PITPNC1: variants seen among roughly 807,000 people sequenced by gnomAD.
PITPNC1 encodes the protein cytoplasmic phosphatidylinositol transfer protein 1.
Under a neutral mutation model 44.7 loss-of-function variants are expected in PITPNC1, and 18 were observed. The observed-to-expected ratio is 0.40, with a 90% CI of 0.28 to 0.60. PITPNC1 has a LOEUF of 0.60. Among genes scored for constraint, PITPNC1 ranks in the 20% least tolerant of loss-of-function variants. The probability of loss-of-function intolerance (pLI) is 0.39; values close to 1 mark genes in which losing one functional copy is unlikely to be tolerated. For missense variants in PITPNC1, 290 were observed against 418.4 expected (o/e 0.69, Z 2.68); for synonymous variants, 141 against 149.6 (o/e 0.94, Z 0.42).
chr17:67,556,845 A>G (rs1470467194), intron 4 of PITPNC1, among the ~76,000 whole-genome samples: 2 of 152,228 alleles, frequency 1.3e-5, no homozygotes, highest in Non-Finnish European at 2.9e-5. Flanking sequence ...TAGCAGATGA[A>G]TACATAACTG....
chr17:67,555,231 A>G (rs1349550116), intron 4 of PITPNC1, among the ~76,000 whole-genome samples: 3 of 152,176 alleles, frequency 2.0e-5, no homozygotes, highest in Non-Finnish European at 4.4e-5. Context: ...TAGCGGAAGG[A>G]TTCAGTGGTC....
rs1283314564 is a variant in PITPNC1, at chr17:67,383,101, TTC to T, written c.48+4902_48+4903del. Reference sequence around the variant, plus strand: ...ACCTCTGCCTCCCGAGTTCAAGAGATTCTCCTGCCTCAGCCTCCAGAATAGCT... The same window carrying T: ...ACCTCTGCCTCCCGAGTTCAAGAGATTCCTGCCTCAGCCTCCAGAATAGCT... On this transcript the variant is annotated intron_variant, in intron 1 of 8. Coordinates refer to ENST00000581322, the MANE Select transcript of PITPNC1 (RefSeq NM_012417.4). Among the ~76,000 whole-genome samples the T allele has an allele frequency of 4.7e-5, 7 of 149,906 alleles. No homozygotes were observed. In the South Asian group the frequency reaches 6.4e-4, roughly 14 times the overall value.
chr17:67,421,780 C>T (rs1422122801), intron 1 of PITPNC1, among the ~76,000 whole-genome samples: 1 of 152,058 alleles, frequency 6.6e-6, no homozygotes, highest in African/African-American at 2.4e-5. Context: ...TCCTTACCTC[C>T]TAGAAATGTG....
At chr17:67,457,060 C>T (rs1220152445) in intron 1 of PITPNC1, 1 of 151,984 alleles carries the variant, frequency 6.6e-6, no homozygotes, top group Non-Finnish European at 1.5e-5. Context: ...GGCTGGAGTG[C>T]AGTGGCCACT....
intron 1 of PITPNC1, among the ~76,000 whole-genome samples, chr17:67,398,765 TGTC>T (rs750989372): frequency 2.2e-4 from 33 of 152,070 alleles, no homozygotes; most frequent in African/African-American, 1.2e-4. Flanking sequence ...CATCACCAGT[TGTC>T]GTATAAAATC....
intron 1 of PITPNC1, among the ~76,000 whole-genome samples, chr17:67,528,466 G>T (rs145609332): frequency 2.6e-3 from 394 of 152,324 alleles, no homozygotes; most frequent in African/African-American, 9.1e-3. Flanking sequence ...CAATTCTCAG[G>T]CTTTGGAGGC....
chr17:67,447,884 C>T (rs888461754), intron 1 of PITPNC1, among the ~76,000 whole-genome samples: 2 of 151,870 alleles, frequency 1.3e-5, no homozygotes, highest in African/African-American at 4.8e-5. Context: ...CTCTGGGATC[C>T]CAGCTATCTC....
At chr17:67,441,788 G>A (rs1331750613) in intron 1 of PITPNC1, among the ~76,000 whole-genome samples, 4 of 152,178 alleles carry the variant, frequency 2.6e-5, no homozygotes, top group African/African-American at 4.8e-5. Flanking sequence ...TCATCAGTGC[G>A]CCCTGCTGTT....
At chr17:67,446,989 C>G (rs776567070) in intron 1 of PITPNC1, among the ~76,000 whole-genome samples, 6 of 145,126 alleles carry the variant, frequency 4.1e-5, no homozygotes, top group Non-Finnish European at 9.0e-5. Flanking sequence ...ACTGGGGAGG[C>G]TGAGGCAGGA....
chr17:67,427,964 G>A (rs773994325), intron 1 of PITPNC1, among the ~76,000 whole-genome samples: 1 of 152,100 alleles, frequency 6.6e-6, no homozygotes, highest in Non-Finnish European at 1.5e-5. Context: ...TGTCCTTGAC[G>A]ATCAGTCTTC....
At chr17:67,631,034 C>T (rs899406775) in intron 5 of PITPNC1, among the ~76,000 whole-genome samples, 5 of 144,324 alleles carry the variant, frequency 3.5e-5, no homozygotes, top group African/African-American at 1.0e-4. Flanking sequence ...CTATATATTG[C>T]GGCTGTGTTG....
At chr17:67,568,398 A>G (rs1352385553) in intron 4 of PITPNC1, among the ~76,000 whole-genome samples, 1 of 152,214 alleles carries the variant, frequency 6.6e-6, no homozygotes, top group Non-Finnish European at 1.5e-5. Flanking sequence ...TTGGGAGGTA[A>G]TGGAAATGTT....
intron 8 of PITPNC1, 128 bp downstream of exon 8, chr17:67,675,670 A>C: frequency 4.3e-6 from 3 of 697,888 alleles, no homozygotes; most frequent in Non-Finnish European, 7.8e-6. Flanking sequence ...CTGTGTTGGA[A>C]ATAGCACTGT....
At chr17:67,641,169 C>T (rs1445322012) in intron 6 of PITPNC1, among the ~76,000 whole-genome samples, 1 of 152,104 alleles carries the variant, frequency 6.6e-6, no homozygotes. Context: ...TCAGGGAAGA[C>T]TTTACAGCAG....
intron 1 of PITPNC1, among the ~76,000 whole-genome samples, chr17:67,435,202 C>T (rs547236098): frequency 9.2e-5 from 14 of 151,812 alleles, no homozygotes; most frequent in African/African-American, 3.4e-4. Context: ...AATTACGCAA[C>T]CTCAGTTACT....
intron 1 of PITPNC1, among the ~76,000 whole-genome samples, chr17:67,420,667 A>C (rs2038660214): frequency 1.3e-5 from 2 of 151,980 alleles, no homozygotes. Flanking sequence ...CCTGGCCTCA[A>C]GTAAACTGCC....
At chr17:67,389,385 C>G (rs1199713979) in intron 1 of PITPNC1, among the ~76,000 whole-genome samples, 2 of 152,216 alleles carry the variant, frequency 1.3e-5, no homozygotes, top group Non-Finnish European at 2.9e-5. Flanking sequence ...GTAGTTATTT[C>G]TTGAATCTGG....
rs1568012975 is a variant in PITPNC1 at position 67,494,214 on chromosome 17, T to TCTCTCTCTCTCTCTCTCTCTCTCTCTC, written c.49-38588_49-38587insCTCTCTCTCTCTCTCTCTCTCTCTCTC. 1.4e-3 allele frequency among the ~76,000 whole-genome samples: 208 copies of TCTCTCTCTCTCTCTCTCTCTCTCTCTC among 149,912 alleles called. 3 individuals are homozygous for TCTCTCTCTCTCTCTCTCTCTCTCTCTC. Among genetic ancestry groups the TCTCTCTCTCTCTCTCTCTCTCTCTCTC allele is most frequent in the African/African-American group, 4.9e-3 (198 of 40,162 alleles). ...CTTTCTTTCTTTCTTTCTTTCTTTC[T>TCTCTCTCTCTCTCTCTCTCTCTCTCTC]TTTTGAGACGTAGTCTTGCTCTGTT... is the stretch of plus-strand genomic sequence containing the variant. On this transcript the variant is annotated intron_variant, in intron 1 of 8. Transcript: ENST00000581322.
chr17:67,529,593 G>C (rs1480266300), intron 1 of PITPNC1, among the ~76,000 whole-genome samples: 2 of 152,154 alleles, frequency 1.3e-5, no homozygotes, highest in Non-Finnish European at 2.9e-5. Context: ...CCCTGCACCT[G>C]TTGCATGAGT....
Sources: allele counts gnomAD v4.1 joint callset (sites outside exome capture counted in the v4.1 genomes callset), GRCh38; gene constraint gnomAD v4.1.1; transcripts MANE v1.5; gene names NCBI Gene and HGNC (gene_info 2026-07-23, HGNC 2026-07-21).